TLR5: variants seen among roughly 807,000 people sequenced by gnomAD.
TLR5 encodes the protein toll-like receptor 5.
For missense variants in TLR5, 944 were observed against 999.8 expected, an observed-to-expected ratio of 0.94 and a Z score of 0.75; for synonymous variants, 373 against 384.4, an observed-to-expected ratio of 0.97 and a Z score of 0.35.
At position 223,111,497 on chromosome 1, in the gene TLR5, T is replaced by C; in HGVS notation, c.1535A>G (p.Asn512Ser). 6.2e-7 allele frequency: 1 copy of C among 1,614,138 alleles called. No individual in the cohort carries two copies. Among genetic ancestry groups the C allele is most frequent in the Non-Finnish European group, 8.5e-7 (1 of 1,180,038 alleles). ...SHLQVLYLNH[N>S]YLNSLPPGVF... The stretch of plus-strand genomic sequence containing the variant: ...TCCTGGTGGAAGGGAATTAAGATAG[T>C]TATGATTCAAATACAGAACTTGAAG... Residue 512 changes from asparagine (N) to serine (S), a missense_variant, in exon 6 of 6, where the codon AAC (asparagine) becomes AGC (serine). By Grantham distance (46) the Asn-to-Ser change is conservative. Transcript: ENST00000642603.
chr1:223,117,768 T>A (rs72748472), intron 5 of TLR5, among the ~76,000 whole-genome samples: 3,217 of 152,174 alleles, frequency 0.021, 40 homozygotes, highest in Non-Finnish European at 0.03. Context: ...CAGGGATGAT[T>A]TTTGGTTGTC....
At chr1:223,132,204 A>G (rs1657419738) in intron 5 of TLR5, among the ~76,000 whole-genome samples, 1 of 152,018 alleles carries the variant, frequency 6.6e-6, no homozygotes, top group African/African-American at 2.4e-5. Context: ...CTCTACAAAA[A>G]ACAGAAAAAT....
intron 5 of TLR5, chr1:223,129,455 C>G (rs1457757077): frequency 1.3e-5 from 2 of 152,314 alleles, no homozygotes; most frequent in African/African-American, 4.8e-5. Flanking sequence ...TGCTCCCGAC[C>G]GACCCGGAGC....
At chr1:223,135,245 T>C (rs5744145) in intron 3 of TLR5, among the ~76,000 whole-genome samples, 2,747 of 152,260 alleles carry the variant, frequency 0.018, 86 homozygotes, top group East Asian at 0.091. Flanking sequence ...TGGTGTTGCC[T>C]GAGGGACTGT....
In TLR5 at chr1:223,112,607, C is replaced by T; in HGVS notation, c.425G>A (p.Arg142Lys). ...SDAVLKDGYFRNLKALTRLDL... is the reference protein window; with the variant it reads ...SDAVLKDGYFKNLKALTRLDL... ...CAAGCGAGTTAAAGCCTTTAAATTT[C>T]TGAAATAACCATCTTTCAATACAGC... The change falls in exon 6 of 6, where the codon AGA becomes AAA. Residue 142 changes from arginine to lysine, a missense_variant. Physicochemically the swap from Arg to Lys is conservative, Grantham distance 26 (BLOSUM62 2). Transcript: ENST00000642603. The T allele has an allele frequency of 6.2e-7, 1 of 1,614,196 alleles. No homozygotes were observed. Among genetic ancestry groups the T allele is most frequent in the Non-Finnish European group, 8.5e-7 (1 of 1,180,042 alleles).
At chr1:223,135,553 C>A (rs2102934240) in intron 3 of TLR5, among the ~76,000 whole-genome samples, 1 of 152,312 alleles carries the variant, frequency 6.6e-6, no homozygotes, top group South Asian at 2.1e-4. Context: ...GTATCCTAGA[C>A]AACTCTAACT....
intron 2 of TLR5, among the ~76,000 whole-genome samples, chr1:223,140,854 C>A (rs1657809796): frequency 6.6e-6 from 1 of 152,244 alleles, no homozygotes; most frequent in African/African-American, 2.4e-5. Context: ...CTGCCACATA[C>A]TTTCGCACTT....
intron 5 of TLR5, chr1:223,123,518 G>A (rs1007051720): frequency 3.1e-4 from 47 of 152,328 alleles, no homozygotes; most frequent in African/African-American, 1.1e-3. Flanking sequence ...CACGCAGACA[G>A]ATTTCTTTAT....
At chr1:223,114,012 A>C (rs1656502094) in intron 5 of TLR5, among the ~76,000 whole-genome samples, 1 of 152,148 alleles carries the variant, frequency 6.6e-6, no homozygotes, top group African/African-American at 2.4e-5. Flanking sequence ...CACACAGTCC[A>C]TCCCATCATG....
At chr1:223,121,436 C>G (rs1656950055) in intron 5 of TLR5, among the ~76,000 whole-genome samples, 1 of 152,184 alleles carries the variant, frequency 6.6e-6, no homozygotes, top group African/African-American at 2.4e-5. Flanking sequence ...GCTTCCAGGT[C>G]TTTTTCCACA....
In TLR5 at chr1:223,111,668, A is replaced by G; in HGVS notation, c.1364T>C (p.Leu455Ser). Residue 455 changes from leucine (L) to serine (S), a missense_variant, in exon 6 of 6, where the codon TTA becomes TCA. Physicochemically the swap from Leu to Ser is moderately radical, Grantham distance 145. Transcript: ENST00000642603. ...ACAGGAGGAGAAGCGATTTTGATTT[A>G]AAATGAGAATCTGGAGATGAGGTAC... ...LRVPHLQILI[L>S]NQNRFSSCSG... 6.2e-7 allele frequency: 1 copy of G among 1,614,202 alleles called. No homozygotes were observed. Among genetic ancestry groups the G allele is most frequent in the Non-Finnish European group, 8.5e-7 (1 of 1,180,032 alleles).
At position 223,132,532 on chromosome 1, in the gene TLR5, C is replaced by T. The variant is rs1410578460; in HGVS notation, c.-62G>A. On this transcript the variant is annotated 5_prime_UTR_variant, in exon 5 of 6. Transcript: ENST00000642603. ...GTTCTTATTCTAGGGGCAGAGGGTC[C>T]CTGGTTGTTTAAAGACTTCAGTTCC... 1 of 152,168 alleles carries T rather than the reference C, an allele frequency of 6.6e-6. No homozygotes were observed. The highest frequency in any genetic ancestry group is 1.5e-5 in the Non-Finnish European group (1 of 68,004). The allele number at this position is 152,168 out of a possible 1,614,324, so 9.4% of individuals were successfully genotyped here.
intron 2 of TLR5, among the ~76,000 whole-genome samples, chr1:223,140,628 G>C (rs1410159858): frequency 6.6e-6 from 1 of 151,704 alleles, no homozygotes; most frequent in African/African-American, 2.4e-5. Flanking sequence ...AGGACCCACA[G>C]CCAGAATTCC....
chr1:223,139,617 G>A (rs927750412), intron 2 of TLR5, among the ~76,000 whole-genome samples: 2 of 152,186 alleles, frequency 1.3e-5, no homozygotes, highest in East Asian at 1.9e-4. Flanking sequence ...AGCTACCTGG[G>A]GCTGCAGTGG....
intron 1 of TLR5, among the ~76,000 whole-genome samples, chr1:223,142,135 T>C (rs1412490286): frequency 2.6e-5 from 4 of 152,068 alleles, no homozygotes; most frequent in Admixed American, 1.3e-4. Flanking sequence ...AGGGGCTGGG[T>C]AAATGCAGGA....
Position 223,120,393 on chromosome 1 carries a change from T to C in TLR5, c.-4-7358A>G, listed in dbSNP as rs138683209. 3.3e-3 allele frequency among the ~76,000 whole-genome samples: 510 copies of C among 152,334 alleles called. 5 individuals carry two copies. The highest frequency in any genetic ancestry group is 0.012 in the African/African-American group (482 of 41,574). On this transcript the variant is annotated intron_variant, in intron 5 of 5. Coordinates refer to ENST00000642603, the MANE Select transcript of TLR5 (RefSeq NM_003268.6). The stretch of plus-strand genomic sequence containing the variant: ...AAAGTCTTTCAATCCACCTATGACC[T>C]GGAAGCCCCAGGCTTTGAGTTGTCC...
chr1:223,114,707 G>A (rs1656539521), intron 5 of TLR5, among the ~76,000 whole-genome samples: 1 of 152,154 alleles, frequency 6.6e-6, no homozygotes, highest in Admixed American at 6.5e-5. Context: ...TGCCTGGATT[G>A]ACTCAAAGTT....
At chr1:223,133,948 G>T (rs1571762432) in intron 4 of TLR5, among the ~76,000 whole-genome samples, 1 of 152,220 alleles carries the variant, frequency 6.6e-6, no homozygotes, top group East Asian at 1.9e-4. Context: ...GCTGAGCTCC[G>T]CTGGGAAGTT....
Position 223,143,234 on chromosome 1 carries a change from G to C in TLR5, c.-593C>G, listed in dbSNP as rs549949765. The stretch of plus-strand genomic sequence containing the variant: ...CCCCGCGCCGCCTGCGCCACGGTTG[G>C]CTCCTCCCGGACGCAAAAGCGGCGC... On this transcript the variant is annotated 5_prime_UTR_variant, in exon 1 of 6. Transcript: ENST00000642603. The C allele has an allele frequency of 3.9e-5, 6 of 152,368 alleles. No individual in the cohort carries two copies. Among genetic ancestry groups the C allele is most frequent in the African/African-American group, 1.2e-4 (5 of 41,590 alleles). 9.4% of individuals were successfully genotyped at this position (152,368 alleles called of 1,614,324 possible).
Sources: gnomAD v4.1 joint callset for allele counts (sites outside exome capture counted in the v4.1 genomes callset) on GRCh38, gnomAD v4.1.1 for gene constraint, MANE v1.5 for transcripts, NCBI Gene and HGNC (gene_info 2026-07-23, HGNC 2026-07-21) for gene names.